Variants in AFG1L observed in about 807,000 individuals in gnomAD.
AFG1L encodes AFG1-like ATPase.
A neutral mutation model predicts 62.2 loss-of-function variants in AFG1L; 53 were observed. The observed-to-expected ratio is 0.85, with a 90% CI of 0.68 to 1.07. The LOEUF (loss-of-function observed/expected upper bound fraction) is 1.07. Ranked by LOEUF, AFG1L falls within the 50% of genes least tolerant of loss-of-function variation. The probability of loss-of-function intolerance (pLI) is 0.00; values close to 1 mark genes in which losing one functional copy is unlikely to be tolerated. For missense variants in AFG1L, 555 were observed against 590.5 expected, an observed-to-expected ratio of 0.94 and a Z score of 0.62; for synonymous variants, 228 against 210.3, an observed-to-expected ratio of 1.08 and a Z score of -0.73.
chr6:108,428,317 A>G (rs567332863), intron 7 of AFG1L, among the ~76,000 whole-genome samples: 4 of 152,294 alleles, frequency 2.6e-5, no homozygotes, highest in Admixed American at 2.0e-4. Context: ...TCCATGGTGT[A>G]TATATATACC....
intron 7 of AFG1L, among the ~76,000 whole-genome samples, chr6:108,410,944 AGTCCTTGGACCAGGGTGG>A (rs2114657583): frequency 6.6e-6 from 1 of 152,242 alleles, no homozygotes; most frequent in South Asian, 2.1e-4. Flanking sequence ...CAGTGGGTGC[AGTCCTTGGACCAGGGTGG>A]GGCATTGCCT....
intron 7 of AFG1L, among the ~76,000 whole-genome samples, chr6:108,437,361 T>C (rs1771355381): frequency 6.6e-6 from 1 of 152,194 alleles, no homozygotes; most frequent in African/African-American, 2.4e-5. Flanking sequence ...CTTTGTACTT[T>C]TCATTTTGGC....
chr6:108,476,860 T>G lies in AFG1L; in HGVS notation c.891-5T>G. ...TTTCATATTCTATTATTCTTTTCAC[T>G]GTAGCACAAGTGAAGCTGATGTGGA... On this transcript the variant is annotated splice_polypyrimidine_tract_variant and splice_region_variant and intron_variant, in intron 8 of 12. Transcript: ENST00000368977. 1 of 1,610,120 alleles carries G rather than the reference T, an allele frequency of 6.2e-7. No homozygotes were observed. The highest frequency in any genetic ancestry group is 8.5e-7 in the Non-Finnish European group (1 of 1,176,342).
chr6:108,388,033 CT>C (rs1300663282), intron 6 of AFG1L: 1 of 151,940 alleles, frequency 6.6e-6, no homozygotes, highest in Non-Finnish European at 1.5e-5. Flanking sequence ...GTAGTAAGGC[CT>C]TTAGACTCCA....
chr6:108,457,595 T>A (rs1772301463), intron 8 of AFG1L, among the ~76,000 whole-genome samples: 2 of 152,012 alleles, frequency 1.3e-5, no homozygotes, highest in Admixed American at 6.6e-5. Context: ...TACATTGTCA[T>A]TACTTTTGCT....
At chr6:108,491,086 T>G (rs1372414739) in intron 10 of AFG1L, among the ~76,000 whole-genome samples, 1 of 152,212 alleles carries the variant, frequency 6.6e-6, no homozygotes, top group Non-Finnish European at 1.5e-5. Flanking sequence ...TTTATATGTG[T>G]GTACAGATAC....
intron 1 of AFG1L, among the ~76,000 whole-genome samples, chr6:108,309,182 A>G (rs1442603436): frequency 6.6e-6 from 1 of 152,178 alleles, no homozygotes; most frequent in Non-Finnish European, 1.5e-5. Context: ...AGTTTTGTGT[A>G]TGACATTAGG....
intron 5 of AFG1L, among the ~76,000 whole-genome samples, chr6:108,365,295 G>A (rs1360331924): frequency 6.6e-6 from 1 of 151,992 alleles, no homozygotes. Flanking sequence ...TGTTGTCTTT[G>A]TGAATTTTAA....
intron 2 of AFG1L, among the ~76,000 whole-genome samples, chr6:108,328,088 T>C (rs1778125063): frequency 6.6e-6 from 1 of 151,632 alleles, no homozygotes; most frequent in South Asian, 2.1e-4. Context: ...CAGTTTATAG[T>C]TGAGTAAAGA....
rs371954815 is a variant in AFG1L at position 108,480,085 on chromosome 6, T to A, written c.1062+2793T>A. ...CACATTCTGCTGTTTGCACACCTCT[T>A]CCCTCACTGTTCCAAGCACAGTTCC... On this transcript the variant is annotated intron_variant, in intron 10 of 12. Transcript: ENST00000368977. 2.1e-4 allele frequency among the ~76,000 whole-genome samples: 32 copies of A among 152,296 alleles called. No homozygotes were observed. The East Asian group carries it at 5.2e-3, about 25-fold the overall frequency.
rs565692514 is a variant in AFG1L at position 108,449,832 on chromosome 6, A to G, written c.890+2536A>G. Among the ~76,000 whole-genome samples the G allele has an allele frequency of 4.5e-4, 68 of 152,128 alleles. 1 individual carries two copies. Among genetic ancestry groups the G allele is most frequent in the Non-Finnish European group, 6.5e-4 (44 of 67,998 alleles). Reference sequence around the variant, plus strand: ...TGTTCTCATTGTTCAATTCCCACCTATGAGTGAGAATATGCAGTGTTTGGT... The same window carrying G: ...TGTTCTCATTGTTCAATTCCCACCTGTGAGTGAGAATATGCAGTGTTTGGT... On this transcript the variant is annotated intron_variant, in intron 8 of 12. Coordinates refer to ENST00000368977, the MANE Select transcript of AFG1L (RefSeq NM_145315.5).
chr6:108,323,501 A>G (rs1048297234), intron 1 of AFG1L, among the ~76,000 whole-genome samples: 7 of 151,966 alleles, frequency 4.6e-5, no homozygotes, highest in African/African-American at 1.5e-4. Flanking sequence ...AGCTGGGATT[A>G]CAAGCATGCA....
At position 108,409,294 on chromosome 6, in the gene AFG1L, A is replaced by G. The variant is rs143125819; in HGVS notation, c.807+7240A>G. The stretch of plus-strand genomic sequence containing the variant: ...ATGAAAACCATTTTTGAACAGGTGA[A>G]TTTTGCTCACTCCTCTTTGGAAATC... On this transcript the variant is annotated intron_variant, in intron 7 of 12. Coordinates refer to ENST00000368977, the MANE Select transcript of AFG1L (RefSeq NM_145315.5). Among the ~76,000 whole-genome samples the G allele has an allele frequency of 3.0e-4, 46 of 152,290 alleles. No homozygotes were observed. In the East Asian group the frequency reaches 7.5e-3, roughly 25 times the overall value.
intron 7 of AFG1L, among the ~76,000 whole-genome samples, chr6:108,443,648 G>A (rs1302950342): frequency 3.9e-5 from 6 of 152,146 alleles, no homozygotes; most frequent in African/African-American, 1.2e-4. Context: ...GCTGAGGGGA[G>A]CAGATCACTT....
intron 10 of AFG1L, among the ~76,000 whole-genome samples, chr6:108,484,580 C>A (rs1773449351): frequency 6.6e-6 from 1 of 152,090 alleles, no homozygotes; most frequent in Admixed American, 6.5e-5. Flanking sequence ...CCTTGCAATG[C>A]CAAATTGGGG....
intron 1 of AFG1L, among the ~76,000 whole-genome samples, chr6:108,297,730 C>T (rs917452836): frequency 2.6e-5 from 4 of 151,766 alleles, no homozygotes; most frequent in South Asian, 2.1e-4. Flanking sequence ...TGGTGCACGC[C>T]TGTAGTCCCA....
At chr6:108,477,360 C>G in intron 10 of AFG1L, 68 bp downstream of exon 10, 1 of 860,118 alleles carries the variant, frequency 1.2e-6, no homozygotes, top group Non-Finnish European at 1.8e-6. Context: ...GTTTTCCTCT[C>G]TGCCCATTTC....
At chr6:108,437,041 G>T (rs1771343728) in intron 7 of AFG1L, among the ~76,000 whole-genome samples, 2 of 152,130 alleles carry the variant, frequency 1.3e-5, no homozygotes, top group African/African-American at 2.4e-5. Flanking sequence ...ATCATGGAAG[G>T]AAGGGACAAA....
At chr6:108,489,489 C>T (rs903012599) in intron 10 of AFG1L, among the ~76,000 whole-genome samples, 15 of 152,294 alleles carry the variant, frequency 9.8e-5, no homozygotes, top group South Asian at 2.1e-4. Context: ...CAAGTCTCCA[C>T]GACATACCAT....
Sources: allele counts gnomAD v4.1 joint callset (sites outside exome capture counted in the v4.1 genomes callset), GRCh38; gene constraint gnomAD v4.1.1; transcripts MANE v1.5; gene names NCBI Gene and HGNC (gene_info 2026-07-23, HGNC 2026-07-21).